AFF2: variants seen among roughly 807,000 people sequenced by gnomAD.
AFF2 encodes ALF transcription elongation factor 2.
Under a neutral mutation model 76.9 loss-of-function variants are expected in AFF2, and 14 were observed. That is an observed-to-expected ratio of 0.18 (90% confidence interval 0.12 to 0.28). AFF2 has a LOEUF of 0.28. AFF2 is among the 10% of genes least tolerant of loss of function. The pLI is 1.00. For missense variants in AFF2, 868 were observed against 1,001.1 expected, an observed-to-expected ratio of 0.87 and a Z score of 1.79; for synonymous variants, 398 against 366.7, an observed-to-expected ratio of 1.09 and a Z score of -0.98.
intron 13 of AFF2, 105 bp from the exon 14 acceptor site, chrX:148,966,685 T>C (rs1347453654): frequency 8.8e-7 from 1 of 1,130,183 alleles, no homozygotes; most frequent in Non-Finnish European, 1.2e-6. Flanking sequence ...TTCTTTTTTT[T>C]TTTTTTTGCC....
At chrX:148,781,620 C>G (rs2069746169) in intron 3 of AFF2, among the ~76,000 whole-genome samples, 1 of 112,005 alleles carries the variant, frequency 8.9e-6, no homozygotes, top group Non-Finnish European at 1.9e-5. Flanking sequence ...GCCAGTGGAT[C>G]TTAGCTTGCT....
At chrX:148,989,133 T>C (rs1391927612) in intron 20 of AFF2, among the ~76,000 whole-genome samples, 1 of 112,406 alleles carries the variant, frequency 8.9e-6, no homozygotes, top group African/African-American at 3.2e-5. Context: ...ACAACTGGCC[T>C]ATACAACCAG....
intron 8 of AFF2, among the ~76,000 whole-genome samples, chrX:148,903,349 AG>A (rs1329632951): frequency 1.8e-4 from 20 of 112,450 alleles, no homozygotes; most frequent in African/African-American, 5.8e-4. Flanking sequence ...TTCTGCCATC[AG>A]CACCCCCAGC....
At chrX:148,988,994 A>C (rs1557291942) in intron 20 of AFF2, among the ~76,000 whole-genome samples, 1 of 112,618 alleles carries the variant, frequency 8.9e-6, no homozygotes. Context: ...TCAATAGGCT[A>C]CACTGCCCAT....
chrX:148,595,437 G>C (rs1303211361), intron 1 of AFF2, among the ~76,000 whole-genome samples: 3 of 112,193 alleles, frequency 2.7e-5, no homozygotes, highest in African/African-American at 9.7e-5. Flanking sequence ...CCGATGTAGA[G>C]GGCAACCAGT....
At chrX:148,987,263 C>A in intron 19 of AFF2, 104 bp from the exon 20 acceptor site, 1 of 764,040 alleles carries the variant, frequency 1.3e-6, no homozygotes, top group Non-Finnish European at 1.9e-6. Flanking sequence ...TTCACTCCAG[C>A]AAATGGCATT....
chrX:148,953,886 A>G (rs1206072544), intron 10 of AFF2, 147 bp downstream of exon 10: 5 of 521,635 alleles, frequency 9.6e-6, no homozygotes, highest in Non-Finnish European at 1.5e-5. Flanking sequence ...CACTTCAGAA[A>G]AGTACCCAGA....
At chrX:148,529,626 G>T (rs1284495450) in intron 1 of AFF2, among the ~76,000 whole-genome samples, 1 of 111,632 alleles carries the variant, frequency 9.0e-6, no homozygotes, top group Admixed American at 9.6e-5. Context: ...AAAACCTTCT[G>T]ATGTGCGCAG....
intron 7 of AFF2, among the ~76,000 whole-genome samples, chrX:148,884,350 A>G (rs1469628302): frequency 4.5e-5 from 5 of 112,301 alleles, no homozygotes; most frequent in African/African-American, 1.3e-4. Flanking sequence ...GTGACTGAGC[A>G]TGAAAGTGGG....
intron 8 of AFF2, among the ~76,000 whole-genome samples, chrX:148,899,431 A>G (rs2071330693): frequency 8.9e-6 from 1 of 111,792 alleles, no homozygotes; most frequent in Non-Finnish European, 1.9e-5. Context: ...CAATTTACCA[A>G]TACATGCTGC....
At chrX:148,926,329 G>A (rs190925514) in intron 9 of AFF2, among the ~76,000 whole-genome samples, 3 of 112,118 alleles carry the variant, frequency 2.7e-5, no homozygotes, top group African/African-American at 9.7e-5. Flanking sequence ...CTTTTGCCAA[G>A]AGCGACCTAA....
chrX:148,541,219 G>GA (rs781874453), intron 1 of AFF2, among the ~76,000 whole-genome samples: 46 of 112,443 alleles, frequency 4.1e-4, no homozygotes, highest in Non-Finnish European at 7.1e-4. Flanking sequence ...TGTTGCTATA[G>GA]TTATCTATTC....
chrX:148,614,601 C>T (rs2053765251), intron 1 of AFF2, among the ~76,000 whole-genome samples: 1 of 108,083 alleles, frequency 9.3e-6, no homozygotes, highest in South Asian at 4.2e-4. Context: ...TCCCTCCCTT[C>T]TCTTTCTTTT....
At chrX:148,511,999 T>C (rs1249964849) in intron 1 of AFF2, among the ~76,000 whole-genome samples, 1 of 112,046 alleles carries the variant, frequency 8.9e-6, no homozygotes, top group African/African-American at 3.2e-5. Context: ...TTAGGAAATT[T>C]TAGTGGGAGT....
intron 1 of AFF2, among the ~76,000 whole-genome samples, chrX:148,582,568 A>G: frequency 8.9e-6 from 1 of 111,994 alleles, no homozygotes; most frequent in Non-Finnish European, 1.9e-5. Context: ...TGCTAAAGTA[A>G]CTATGCTTAA....
intron 1 of AFF2, among the ~76,000 whole-genome samples, chrX:148,568,998 C>T (rs782764081): frequency 9.0e-6 from 1 of 111,174 alleles, no homozygotes; most frequent in East Asian, 2.8e-4. Flanking sequence ...GTATGAAAAG[C>T]TCATGATTTC....
chrX:148,786,286 A>G lies in AFF2; in HGVS notation c.1042-23590A>G, dbSNP rs1020335792. Among the ~76,000 whole-genome samples, 10 of 111,430 alleles carry G rather than the reference A, an allele frequency of 9.0e-5. No individual in the cohort carries two copies. The Admixed American group carries it at 9.6e-4, about 11-fold the overall frequency. On this transcript the variant is annotated intron_variant, in intron 3 of 20. Transcript: ENST00000370460. Reference sequence around the variant, plus strand: ...TCATGCCTTCCTCTTCTCATTTTCTATAGTCTGCCTTGTAGTACAGGCATT... The same window carrying G: ...TCATGCCTTCCTCTTCTCATTTTCTGTAGTCTGCCTTGTAGTACAGGCATT...
intron 1 of AFF2, among the ~76,000 whole-genome samples, chrX:148,514,353 C>T (rs1326617605): frequency 8.9e-6 from 1 of 112,514 alleles, no homozygotes; most frequent in Admixed American, 9.4e-5. Context: ...TTGGAGTTGG[C>T]CACAATCTCA....
intron 1 of AFF2, among the ~76,000 whole-genome samples, chrX:148,532,387 C>T (rs782618776): frequency 8.9e-6 from 1 of 111,967 alleles, no homozygotes; most frequent in Admixed American, 9.5e-5. Context: ...AAAGCAATTG[C>T]TGATGGTAAT....
Sources: gnomAD v4.1 joint callset for allele counts (sites outside exome capture counted in the v4.1 genomes callset) on GRCh38, gnomAD v4.1.1 for gene constraint, MANE v1.5 for transcripts, NCBI Gene and HGNC (gene_info 2026-07-23, HGNC 2026-07-21) for gene names.